TEX11: variants seen among roughly 807,000 people sequenced by gnomAD.
The protein encoded by TEX11 is testis-expressed protein 11.
A neutral mutation model predicts 84.4 loss-of-function variants in TEX11; 7 were observed. The ratio of observed to expected loss-of-function variants is 0.08; its 90% CI spans 0.05 to 0.16. The LOEUF (loss-of-function observed/expected upper bound fraction) is 0.16. TEX11 is among the 10% of genes least tolerant of loss of function. TEX11 has a pLI of 1.00. For synonymous variants in TEX11, 264 were observed against 222.8 expected (o/e 1.18, Z -1.64); for missense variants, 551 against 660.5 (o/e 0.83, Z 1.82).
chrX:70,738,349 A>C (rs1287654057), intron 11 of TEX11, among the ~76,000 whole-genome samples: 1 of 112,639 alleles, frequency 8.9e-6, no homozygotes, highest in Non-Finnish European at 1.9e-5. Context: ...CATGAAAAAA[A>C]GCTCATCATC....
chrX:70,659,181 A>G (rs769660517), intron 16 of TEX11, among the ~76,000 whole-genome samples: 26 of 112,453 alleles, frequency 2.3e-4, no homozygotes, highest in Non-Finnish European at 4.5e-4. Context: ...CCCAAAGCAC[A>G]GTCAACAAAA....
the TEX11 span, among the ~76,000 whole-genome samples, chrX:70,523,163 A>T: frequency 9.0e-6 from 1 of 111,173 alleles, no homozygotes; most frequent in Admixed American, 9.6e-5. Flanking sequence ...GAAAAATAAA[A>T]TGTTGCAATG....
At chrX:70,861,758 C>T (rs1230725552) in intron 4 of TEX11, among the ~76,000 whole-genome samples, 2 of 111,391 alleles carry the variant, frequency 1.8e-5, no homozygotes, top group Non-Finnish European at 3.8e-5. Context: ...TGAGCCACCA[C>T]AACCGGCCCA....
rs2091564681 is a variant in TEX11, at chrX:70,860,847, T to G, written c.324+10A>C. On this transcript the variant is annotated intron_variant, in intron 5 of 29. Coordinates refer to ENST00000374333, the MANE Select transcript of TEX11 (RefSeq NM_031276.3). ...ATTTCATCTCCACTTTCTCCTAAAT[T>G]AAGACTTACCATAATCAGTCGTTGA... 3.4e-6 allele frequency: 4 copies of G among 1,160,534 alleles called. No individual in the cohort carries two copies. The African/African-American group carries it at 7.1e-5, about 21-fold the overall frequency.
chrX:70,880,469 A>AG (rs1381583056), intron 2 of TEX11, among the ~76,000 whole-genome samples: 1 of 111,118 alleles, frequency 9.0e-6, no homozygotes, highest in Non-Finnish European at 1.9e-5. Context: ...CTGAGGTAGG[A>AG]GGATCACTTG....
chrX:70,746,759 G>T (rs2090770191), intron 9 of TEX11, among the ~76,000 whole-genome samples: 1 of 112,225 alleles, frequency 8.9e-6, no homozygotes, highest in Admixed American at 9.4e-5. Context: ...GTAGCAATAA[G>T]GGAAACAGCA....
intron 3 of TEX11, among the ~76,000 whole-genome samples, chrX:70,874,564 G>C (rs1170060463): frequency 9.3e-6 from 1 of 107,175 alleles, no homozygotes; most frequent in Non-Finnish European, 1.9e-5. Flanking sequence ...ATAATGCCTG[G>C]CTAATTTTTG....
chrX:70,872,308 G>A (rs1460218056), intron 4 of TEX11, among the ~76,000 whole-genome samples: 3 of 112,042 alleles, frequency 2.7e-5, no homozygotes, highest in African/African-American at 9.7e-5. Flanking sequence ...CTAATAGAGT[G>A]GACTCATGAG....
chrX:70,597,590 CT>C (rs1353566811), intron 24 of TEX11, among the ~76,000 whole-genome samples: 1 of 111,783 alleles, frequency 8.9e-6, no homozygotes, highest in Non-Finnish European at 1.9e-5. Flanking sequence ...AGTTGGACCC[CT>C]ATCTCACACC....
chrX:70,753,513 G>A (rs2090845304), intron 9 of TEX11, among the ~76,000 whole-genome samples: 1 of 109,557 alleles, frequency 9.1e-6, no homozygotes, highest in African/African-American at 3.3e-5. Context: ...CCACTACCTT[G>A]AAGGGAAGGA....
chrX:70,669,444 G>C (rs1412301136), intron 16 of TEX11, among the ~76,000 whole-genome samples: 1 of 112,225 alleles, frequency 8.9e-6, no homozygotes, highest in African/African-American at 3.2e-5. Flanking sequence ...CTTCCTTTTA[G>C]ATCTTAAACT....
intron 13 of TEX11, among the ~76,000 whole-genome samples, chrX:70,717,856 G>A (rs746281213): frequency 9.8e-5 from 11 of 111,997 alleles, no homozygotes; most frequent in South Asian, 3.7e-4. Context: ...ATCATTAACC[G>A]AACGATGGTA....
chrX:70,833,619 A>G (rs17301944), intron 7 of TEX11, 26 bp from the exon 8 acceptor site: 99,061 of 1,111,436 alleles, frequency 0.089, 3,465 homozygotes, highest in Middle Eastern at 0.12. Context: ...AATGTCAATA[A>G]TTGGTTAAAA....
intron 14 of TEX11, among the ~76,000 whole-genome samples, chrX:70,679,457 C>T (rs1386459003): frequency 2.9e-5 from 3 of 102,245 alleles, no homozygotes; most frequent in Admixed American, 1.0e-4. Flanking sequence ...AAGTGAGGAG[C>T]GTCTCTGCCC....
chrX:70,794,392 G>A (rs1281142188), intron 9 of TEX11, among the ~76,000 whole-genome samples: 1 of 111,192 alleles, frequency 9.0e-6, no homozygotes, highest in Non-Finnish European at 1.9e-5. Context: ...AAGTGCATTG[G>A]GGTCCTAAAT....
At chrX:70,707,351 T>C (rs765391968) in intron 13 of TEX11, among the ~76,000 whole-genome samples, 6 of 111,418 alleles carry the variant, frequency 5.4e-5, no homozygotes, top group Non-Finnish European at 1.1e-4. Context: ...GTGGTGCCTA[T>C]GTTTTCCACA....
At chrX:70,716,950 G>A (rs2090510171) in intron 13 of TEX11, among the ~76,000 whole-genome samples, 1 of 112,254 alleles carries the variant, frequency 8.9e-6, no homozygotes, top group African/African-American at 3.2e-5. Flanking sequence ...TCTTTTGCAA[G>A]TTTACTTAAA....
chrX:70,797,515 A>G (rs1453669440), intron 9 of TEX11, among the ~76,000 whole-genome samples: 3 of 110,425 alleles, frequency 2.7e-5, no homozygotes, highest in Non-Finnish European at 5.7e-5. Context: ...AAGAGGAAAG[A>G]ACCTATCCAC....
At chrX:70,578,831 C>T (rs2088719694) in intron 25 of TEX11, among the ~76,000 whole-genome samples, 1 of 93,073 alleles carries the variant, frequency 1.1e-5, no homozygotes. Flanking sequence ...AGTGCAATTG[C>T]ACGATCTTGG....
Sources: allele counts gnomAD v4.1 joint callset (sites outside exome capture counted in the v4.1 genomes callset), GRCh38; gene constraint gnomAD v4.1.1; transcripts MANE v1.5; gene names NCBI Gene and HGNC (gene_info 2026-07-23, HGNC 2026-07-21).